Variants in GABRG1 observed in about 807,000 individuals in gnomAD.
GABRG1 encodes gamma-aminobutyric acid receptor subunit gamma-1.
Under a neutral mutation model 49.8 loss-of-function variants are expected in GABRG1, and 49 were observed. The observed-to-expected ratio is 0.98, with a 90% CI of 0.78 to 1.25. The LOEUF is 1.25. Among genes scored for constraint, GABRG1 ranks in the 50% most tolerant of loss-of-function variants. The pLI is 0.00. For missense variants in GABRG1, 552 were observed against 552.3 expected (o/e 1.00, Z 0.01); for synonymous variants, 232 against 185.1 (o/e 1.25, Z -2.06).
At chr4:46,084,936 C>A (rs1719699884) in intron 2 of GABRG1, among the ~76,000 whole-genome samples, 1 of 151,406 alleles carries the variant, frequency 6.6e-6, no homozygotes, top group African/African-American at 2.4e-5. Context: ...TAAAATTAAG[C>A]CAGTTATAGT....
At chr4:46,112,200 A>G (rs538741125) in intron 1 of GABRG1, among the ~76,000 whole-genome samples, 1 of 151,476 alleles carries the variant, frequency 6.6e-6, no homozygotes, top group South Asian at 2.1e-4. Context: ...CATTTTTCAA[A>G]AGAAGACATA....
chr4:46,123,099 C>CAA, intron 1 of GABRG1, among the ~76,000 whole-genome samples: 1 of 120,462 alleles, frequency 8.3e-6, no homozygotes, highest in Non-Finnish European at 1.7e-5. Context: ...CCCATACACA[C>CAA]AAACACACAC....
At chr4:46,122,107 C>G (rs1270058311) in intron 1 of GABRG1, among the ~76,000 whole-genome samples, 2 of 152,008 alleles carry the variant, frequency 1.3e-5, no homozygotes, top group African/African-American at 2.4e-5. Flanking sequence ...CACATGAGAT[C>G]ATGTCTCCAG....
intron 1 of GABRG1, among the ~76,000 whole-genome samples, chr4:46,119,094 G>GTT (rs898494699): frequency 6.9e-6 from 1 of 145,886 alleles, no homozygotes; most frequent in Non-Finnish European, 1.5e-5. Context: ...TTAAGTTACA[G>GTT]TTGTGTGTGT....
intron 8 of GABRG1, among the ~76,000 whole-genome samples, chr4:46,050,060 A>G (rs1337552174): frequency 6.6e-6 from 1 of 151,958 alleles, no homozygotes; most frequent in African/African-American, 2.4e-5. Flanking sequence ...TGGAAAATCC[A>G]GAGAAGATGC....
intron 3 of GABRG1, among the ~76,000 whole-genome samples, chr4:46,069,049 G>A (rs1473373941): frequency 1.3e-5 from 2 of 152,006 alleles, no homozygotes; most frequent in African/African-American, 4.8e-5. Context: ...AATAATAATT[G>A]ATAAGTGTGT....
At chr4:46,117,262 T>G (rs1440519289) in intron 1 of GABRG1, among the ~76,000 whole-genome samples, 1 of 150,652 alleles carries the variant, frequency 6.6e-6, no homozygotes, top group Non-Finnish European at 1.5e-5. Context: ...GTATCTCTAT[T>G]GCATAGCACA....
intron 1 of GABRG1, among the ~76,000 whole-genome samples, chr4:46,102,168 C>T (rs1415609049): frequency 6.6e-6 from 1 of 151,584 alleles, no homozygotes; most frequent in Non-Finnish European, 1.5e-5. Context: ...ATATCATACT[C>T]TCTTAAGAAA....
chr4:46,112,517 A>G (rs1720749211), intron 1 of GABRG1, among the ~76,000 whole-genome samples: 1 of 151,334 alleles, frequency 6.6e-6, no homozygotes. Context: ...TAATTCTACC[A>G]AAAAGACACA....
chr4:46,096,584 T>C (rs903263763), intron 2 of GABRG1, among the ~76,000 whole-genome samples: 1 of 151,714 alleles, frequency 6.6e-6, no homozygotes, highest in African/African-American at 2.4e-5. Context: ...CTGATATTTT[T>C]CTCTAACCAG....
rs78447452 is a variant in GABRG1, at chr4:46,043,066, A to G, written c.1132-1812T>C. Among the ~76,000 whole-genome samples the G allele has an allele frequency of 4.9e-3, 741 of 152,116 alleles. 8 individuals are homozygous for G. Among genetic ancestry groups the G allele is most frequent in the African/African-American group, 0.017 (705 of 41,556 alleles). ...CCTTGTCACTTGATACTTGAATAGC[A>G]TATGCTCTTATGCTAATCAGAATGA... On this transcript the variant is annotated intron_variant, in intron 8 of 8. Transcript: ENST00000295452.
At chr4:46,046,080 AG>A (rs1717987529) in intron 8 of GABRG1, among the ~76,000 whole-genome samples, 1 of 152,146 alleles carries the variant, frequency 6.6e-6, no homozygotes, top group African/African-American at 2.4e-5. Context: ...TGTTCTAGGT[AG>A]AGAATTTTCT....
intron 5 of GABRG1, among the ~76,000 whole-genome samples, chr4:46,061,390 G>A (rs963549087): frequency 6.6e-6 from 1 of 151,992 alleles, no homozygotes; most frequent in African/African-American, 2.4e-5. Context: ...AAGAAGTAGG[G>A]TTATGCTTAT....
chr4:46,046,825 A>G (rs2109394223), intron 8 of GABRG1, among the ~76,000 whole-genome samples: 1 of 152,232 alleles, frequency 6.6e-6, no homozygotes, highest in Middle Eastern at 3.4e-3. Flanking sequence ...TATATACTGT[A>G]TACTATTTCT....
rs940470597 is a variant in GABRG1, at chr4:46,061,971, A to C, written c.625+2470T>G. The stretch of plus-strand genomic sequence containing the variant: ...TACATGTGCCATGCTGGTGTGCTGC[A>C]CCCATTAACTCATCATTTAGCATTA... On this transcript the variant is annotated intron_variant, in intron 5 of 8. Transcript: ENST00000295452. Among the ~76,000 whole-genome samples the C allele has an allele frequency of 6.8e-4, 102 of 150,924 alleles. 1 individual carries two copies. The highest frequency in any genetic ancestry group is 1.2e-3 in the Non-Finnish European group (82 of 67,764).
chr4:46,068,852 G>A (rs1352598174), intron 3 of GABRG1, among the ~76,000 whole-genome samples: 2 of 151,998 alleles, frequency 1.3e-5, no homozygotes, highest in Non-Finnish European at 2.9e-5. Context: ...TCGAACTTCT[G>A]TTTACTCAGA....
At chr4:46,044,469 A>T (rs896464724) in intron 8 of GABRG1, among the ~76,000 whole-genome samples, 3 of 151,900 alleles carry the variant, frequency 2.0e-5, no homozygotes, top group African/African-American at 7.3e-5. Flanking sequence ...TGATGGAGTG[A>T]AACTTTGTCT....
intron 1 of GABRG1, among the ~76,000 whole-genome samples, chr4:46,106,850 C>A (rs1720565294): frequency 6.6e-6 from 1 of 150,912 alleles, no homozygotes; most frequent in Admixed American, 6.6e-5. Flanking sequence ...GAGGAAGAAT[C>A]TGTCATGCAT....
chr4:46,042,552 T>C (rs2109391519), intron 8 of GABRG1, among the ~76,000 whole-genome samples: 1 of 152,102 alleles, frequency 6.6e-6, no homozygotes, highest in Middle Eastern at 3.4e-3. Flanking sequence ...CCCATGCAAA[T>C]GTTTGTTAAA....
Sources: gnomAD v4.1 joint callset for allele counts (sites outside exome capture counted in the v4.1 genomes callset) on GRCh38, gnomAD v4.1.1 for gene constraint, MANE v1.5 for transcripts, NCBI Gene and HGNC (gene_info 2026-07-23, HGNC 2026-07-21) for gene names.